Variants in NEMP2 observed in about 807,000 individuals in gnomAD.
NEMP2 encodes nuclear envelope integral membrane protein 2.
Under a neutral mutation model 54.2 loss-of-function variants are expected in NEMP2, and 53 were observed. That is an observed-to-expected ratio of 0.98 (90% confidence interval 0.78 to 1.23). NEMP2 has a LOEUF of 1.23. Among genes scored for constraint, NEMP2 ranks in the 50% most tolerant of loss-of-function variants. NEMP2 has a pLI of 0.00. For missense variants in NEMP2, 455 were observed against 511.3 expected, an observed-to-expected ratio of 0.89 and a Z score of 1.06; for synonymous variants, 197 against 190.3, an observed-to-expected ratio of 1.04 and a Z score of -0.29.
the NEMP2 span, among the ~76,000 whole-genome samples, chr2:190,633,191 C>G: frequency 6.6e-6 from 1 of 152,174 alleles, no homozygotes; most frequent in East Asian, 1.9e-4. Flanking sequence ...TTACTTGAGG[C>G]ACATATATCA....
chr2:190,513,092 C>T lies in NEMP2; in HGVS notation c.953+1361G>A, dbSNP rs1690427147. Among the ~76,000 whole-genome samples the T allele has an allele frequency of 6.6e-6, 1 of 152,214 alleles. No individual in the cohort carries two copies. Among genetic ancestry groups the T allele is most frequent in the Non-Finnish European group, 1.5e-5 (1 of 68,044 alleles). On this transcript the variant is annotated intron_variant, in intron 7 of 8. Coordinates refer to ENST00000409150, the MANE Select transcript of NEMP2 (RefSeq NM_001142645.2). The surrounding 1 kb of genome is among the most constrained non-coding windows in gnomAD (Gnocchi z 5.3). ...TGATGTCTGATAACTGTTCTCCTGCCACAGGGGCCTCCCCTTTATATCCAC... is the reference window on the plus strand; with the variant it reads ...TGATGTCTGATAACTGTTCTCCTGCTACAGGGGCCTCCCCTTTATATCCAC...
chr2:190,461,563 T>G, the NEMP2 span, among the ~76,000 whole-genome samples: 1 of 152,206 alleles, frequency 6.6e-6, no homozygotes, highest in Non-Finnish European at 1.5e-5. The surrounding 1 kb of genome is among the most constrained non-coding windows in gnomAD (Gnocchi z 5.5). Context: ...AAGTGCAAGA[T>G]CAAAGTGTTG....
the NEMP2 span, among the ~76,000 whole-genome samples, chr2:190,562,414 TTAAGCACTCCC>T: frequency 2.0e-5 from 3 of 152,298 alleles, no homozygotes; most frequent in Admixed American, 2.0e-4. The surrounding 1 kb of genome is among the most constrained non-coding windows in gnomAD (Gnocchi z 5.0). Flanking sequence ...CCATGGAGCA[TTAAGCACTCCC>T]TAGCTTCTTC....
chr2:190,518,557 TAA>T (rs959201314), intron 4 of NEMP2, among the ~76,000 whole-genome samples, 177 bp downstream of exon 4: 55 of 152,354 alleles, frequency 3.6e-4, no homozygotes, highest in Admixed American at 1.2e-3. Flanking sequence ...TATCACACGA[TAA>T]AAATAAATGT....
downstream of NEMP2, chr2:190,502,093 T>C (rs1690050568): frequency 6.6e-6 from 1 of 152,596 alleles, no homozygotes; most frequent in South Asian, 2.1e-4. The surrounding 1 kb of genome is among the most constrained non-coding windows in gnomAD (Gnocchi z 4.4). Flanking sequence ...TCTTAAATGA[T>C]AAAGATGTGA....
At chr2:190,648,668 G>A in the NEMP2 span, among the ~76,000 whole-genome samples, 2 of 151,706 alleles carry the variant, frequency 1.3e-5, no homozygotes, top group East Asian at 1.9e-4. Context: ...TGGAGAGCAG[G>A]CCGGAGGCGG....
the NEMP2 span, among the ~76,000 whole-genome samples, chr2:190,487,015 T>C: frequency 0.62 from 93,956 of 152,038 alleles, 29,584 homozygotes; most frequent in East Asian, 0.92. The surrounding 1 kb of genome is among the most constrained non-coding windows in gnomAD (Gnocchi z 5.5). Context: ...TGGGACATGG[T>C]AAATTGTTTC....
At chr2:190,436,120 A>G in the NEMP2 span, 2 of 1,614,258 alleles carry the variant, frequency 1.2e-6, no homozygotes, top group Admixed American at 3.3e-5. This position sits in a 1 kb window ranked among gnomAD's most constrained non-coding sequence, Gnocchi z 5.3. Context: ...TGGTATTTCC[A>G]GGGAACCAGA....
At chr2:190,556,166 G>A in the NEMP2 span, among the ~76,000 whole-genome samples, 1 of 152,144 alleles carries the variant, frequency 6.6e-6, no homozygotes, top group Non-Finnish European at 1.5e-5. Flanking sequence ...TGCAAGGCTG[G>A]TTCAACAAAC....
At chr2:190,541,285 T>G in the NEMP2 span, among the ~76,000 whole-genome samples, 14 of 152,082 alleles carry the variant, frequency 9.2e-5, no homozygotes, top group African/African-American at 3.4e-4. The surrounding 1 kb of genome is among the most constrained non-coding windows in gnomAD (Gnocchi z 5.2). Context: ...GTTTTTCTAG[T>G]TCCTTCTAGT....
the NEMP2 span, among the ~76,000 whole-genome samples, chr2:190,596,850 C>T: frequency 6.6e-6 from 1 of 152,096 alleles, no homozygotes; most frequent in Non-Finnish European, 1.5e-5. This position sits in a 1 kb window ranked among gnomAD's most constrained non-coding sequence, Gnocchi z 5.1. Flanking sequence ...ATACAAATGA[C>T]ATTTATACAT....
chr2:190,579,458 C>T, the NEMP2 span, among the ~76,000 whole-genome samples: 1 of 151,914 alleles, frequency 6.6e-6, no homozygotes, highest in South Asian at 2.1e-4. Flanking sequence ...CAGCAAATAA[C>T]AGTATACTTA....
At chr2:190,489,796 C>A in the NEMP2 span, 1 of 1,614,154 alleles carries the variant, frequency 6.2e-7, no homozygotes, top group Non-Finnish European at 8.5e-7. This position sits in a 1 kb window ranked among gnomAD's most constrained non-coding sequence, Gnocchi z 6.6. Context: ...GAGGAATTGG[C>A]ATGGCCTGCT....
At chr2:190,538,944 A>G (rs1187989162), upstream of NEMP2, among the ~76,000 whole-genome samples, 2 of 152,108 alleles carry the variant, frequency 1.3e-5, no homozygotes, top group Non-Finnish European at 2.9e-5. The surrounding 1 kb of genome is among the most constrained non-coding windows in gnomAD (Gnocchi z 4.1). Flanking sequence ...TTCCTTTGCT[A>G]TGCAGAAGCT....
chr2:190,591,701 T>C, the NEMP2 span, among the ~76,000 whole-genome samples: 3 of 152,164 alleles, frequency 2.0e-5, no homozygotes, highest in South Asian at 2.1e-4. The surrounding 1 kb of genome is among the most constrained non-coding windows in gnomAD (Gnocchi z 5.4). Flanking sequence ...ATGGAAACCT[T>C]GTGAGGATTA....
At chr2:190,560,848 A>G in the NEMP2 span, among the ~76,000 whole-genome samples, 1 of 152,232 alleles carries the variant, frequency 6.6e-6, no homozygotes, top group East Asian at 1.9e-4. The surrounding 1 kb of genome is among the most constrained non-coding windows in gnomAD (Gnocchi z 5.4). Context: ...AGCTCTGGGT[A>G]GAATTAGAAA....
the NEMP2 span, among the ~76,000 whole-genome samples, chr2:190,572,833 G>GTTTTTATATA: frequency 2.1e-5 from 1 of 47,862 alleles, no homozygotes; most frequent in Non-Finnish European, 3.7e-5. Context: ...CTTTTCATGA[G>GTTTTTATATA]TATATATATA....
the NEMP2 span, among the ~76,000 whole-genome samples, chr2:190,462,612 TC>T: frequency 6.6e-6 from 1 of 152,150 alleles, no homozygotes. This position sits in a 1 kb window ranked among gnomAD's most constrained non-coding sequence, Gnocchi z 5.7. Context: ...CTGTGATGAG[TC>T]CTCTAATGGA....
At chr2:190,441,760 G>A in the NEMP2 span, among the ~76,000 whole-genome samples, 6 of 151,970 alleles carry the variant, frequency 3.9e-5, no homozygotes, top group Non-Finnish European at 7.4e-5. Flanking sequence ...GAGCTGCTGC[G>A]TCTCACCTAT....
Sources: allele counts gnomAD v4.1 joint callset (sites outside exome capture counted in the v4.1 genomes callset), GRCh38; gene constraint gnomAD v4.1.1; non-coding constraint Gnocchi (gnomAD v3.1); transcripts MANE v1.5; gene names NCBI Gene and HGNC (gene_info 2026-07-23, HGNC 2026-07-21).